The following KAZN variants were observed in gnomAD, a reference collection of about 807,000 sequenced individuals.
KAZN encodes kazrin.
Under a neutral mutation model 87.4 loss-of-function variants are expected in KAZN, and 40 were observed. The ratio of observed to expected loss-of-function variants is 0.46; its 90% CI spans 0.36 to 0.60. The LOEUF (loss-of-function observed/expected upper bound fraction) is 0.60, where lower values mean the gene tolerates loss of function less well. Among genes scored for constraint, KAZN ranks in the 20% least tolerant of loss-of-function variants. KAZN has a pLI of 0.00. For missense variants in KAZN, 898 were observed against 1,073.9 expected (o/e 0.84, Z 2.29); for synonymous variants, 466 against 458.3 (o/e 1.02, Z -0.22).
intron 2 of KAZN, among the ~76,000 whole-genome samples, chr1:14,272,058 A>G (rs772290484): frequency 2.6e-5 from 4 of 152,264 alleles, no homozygotes; most frequent in Non-Finnish European, 5.9e-5. Context: ...CGAAGCACCT[A>G]AAGTGTTTAT....
Position 14,947,125 on chromosome 1 carries a change from C to T in KAZN, c.227-13559C>T, listed in dbSNP as rs144282733. On this transcript the variant is annotated intron_variant, in intron 1 of 14. Transcript: ENST00000376030. The stretch of plus-strand genomic sequence containing the variant: ...GAAAGCAGGGCTGGGCTCTCCCGGC[C>T]GTTGTAAGGCCGTGCTCAAGTTGCT... Among the ~76,000 whole-genome samples the T allele has an allele frequency of 1.3e-4, 20 of 152,276 alleles. No individual in the cohort carries two copies. The East Asian group carries it at 1.5e-3, about 12-fold the overall frequency.
chr1:14,419,760 C>G (rs940965913), intron 2 of KAZN, among the ~76,000 whole-genome samples: 1 of 151,846 alleles, frequency 6.6e-6, no homozygotes, highest in Non-Finnish European at 1.5e-5. Flanking sequence ...GGCGGTGCGT[C>G]TGGTGTTGTT....
intron 2 of KAZN, among the ~76,000 whole-genome samples, chr1:14,258,215 T>C (rs1430573571): frequency 9.4e-6 from 1 of 105,928 alleles, no homozygotes; most frequent in Non-Finnish European, 1.7e-5. Flanking sequence ...TCTTTCTTTC[T>C]TTCTTTTTTT....
chr1:14,873,169 T>C (rs574409710), intron 1 of KAZN, among the ~76,000 whole-genome samples: 1 of 151,698 alleles, frequency 6.6e-6, no homozygotes, highest in African/African-American at 2.4e-5. Flanking sequence ...GACAGATAGA[T>C]GAATGGATGG....
chr1:15,052,637 C>T (rs1049083620), intron 4 of KAZN, among the ~76,000 whole-genome samples: 17 of 151,924 alleles, frequency 1.1e-4, no homozygotes, highest in Middle Eastern at 3.2e-3. Context: ...TGTGTGGATA[C>T]GTGGGTGTGA....
At chr1:14,648,956 A>C (rs992092923) in intron 1 of KAZN, among the ~76,000 whole-genome samples, 1 of 152,184 alleles carries the variant, frequency 6.6e-6, no homozygotes, top group African/African-American at 2.4e-5. Context: ...AGTTCTTTTA[A>C]GCTGGCAGCA....
intron 1 of KAZN, chr1:14,946,077 A>G: frequency 4.2e-6 from 1 of 238,084 alleles, no homozygotes; most frequent in Non-Finnish European, 6.8e-6. Context: ...GTGACGTGCC[A>G]GGGTCAAACA....
At chr1:14,041,377 T>G (rs1200091792) in intron 1 of KAZN, among the ~76,000 whole-genome samples, 3 of 152,216 alleles carry the variant, frequency 2.0e-5, no homozygotes, top group Non-Finnish European at 4.4e-5. Flanking sequence ...TTTATTTCCT[T>G]TCTTCTCAAC....
chr1:14,830,294 A>T (rs1260836811), intron 1 of KAZN, among the ~76,000 whole-genome samples: 1 of 152,162 alleles, frequency 6.6e-6, no homozygotes, highest in Non-Finnish European at 1.5e-5. Context: ...CTTGGGCCAG[A>T]GGGAAAAATG....
At position 14,174,842 on chromosome 1, in the gene KAZN, C is replaced by T. The variant is rs77891075; in HGVS notation, c.92-5593C>T. ...TGCTTTATACAATCTGTCTCTAATT[C>T]TCAGAGCAACTCTGTACAGGTGGGA... On this transcript the variant is annotated intron_variant, in intron 1 of 16. Coordinates refer to the KAZN transcript ENST00000636203. Among the ~76,000 whole-genome samples the T allele has an allele frequency of 6.5e-3, 991 of 152,248 alleles. 11 individuals carry two copies. The highest frequency in any genetic ancestry group is 0.023 in the African/African-American group (955 of 41,560).
intron 2 of KAZN, among the ~76,000 whole-genome samples, chr1:14,477,758 C>A (rs1668833082): frequency 6.6e-6 from 1 of 152,148 alleles, no homozygotes; most frequent in African/African-American, 2.4e-5. Flanking sequence ...CCTGAGCAAA[C>A]CCCAAAGTGG....
intron 1 of KAZN, among the ~76,000 whole-genome samples, chr1:14,789,760 C>CAAAAAAAAAAAAAAAAAAAAAA (rs3032757): frequency 2.2e-5 from 1 of 46,234 alleles, no homozygotes; most frequent in African/African-American, 8.3e-5. Context: ...TCCTCATTAC[C>CAAAAAAAAAAAAAAAAAAAAAA]AAAAAAAAAA....
At chr1:14,084,452 TC>T (rs1293318598) in intron 1 of KAZN, among the ~76,000 whole-genome samples, 1 of 152,038 alleles carries the variant, frequency 6.6e-6, no homozygotes, top group Non-Finnish European at 1.5e-5. Context: ...TATTGCCAAA[TC>T]CCCTGCCCAT....
At chr1:14,818,639 T>G (rs1477875663) in intron 1 of KAZN, among the ~76,000 whole-genome samples, 1 of 152,108 alleles carries the variant, frequency 6.6e-6, no homozygotes, top group East Asian at 1.9e-4. Context: ...TCCTGGTGTC[T>G]CCCATTGGCC....
At chr1:14,766,159 A>G (rs77438057) in intron 1 of KAZN, among the ~76,000 whole-genome samples, 2,944 of 152,296 alleles carry the variant, frequency 0.019, 79 homozygotes, top group African/African-American at 0.054. Flanking sequence ...AACTGGAGCC[A>G]GTCCTGTGGG....
chr1:14,108,092 G>A (rs923126485), intron 1 of KAZN, among the ~76,000 whole-genome samples: 1 of 152,074 alleles, frequency 6.6e-6, no homozygotes, highest in South Asian at 2.1e-4. Flanking sequence ...ACTGGACCAC[G>A]AGATGCTCTA....
chr1:14,394,085 G>A (rs1016895960), intron 2 of KAZN, among the ~76,000 whole-genome samples: 2 of 152,156 alleles, frequency 1.3e-5, no homozygotes, highest in African/African-American at 2.4e-5. Flanking sequence ...AAATGGGCAG[G>A]ACGGAAGAAA....
intron 1 of KAZN, among the ~76,000 whole-genome samples, chr1:14,874,129 T>C (rs1652483982): frequency 6.6e-6 from 1 of 152,136 alleles, no homozygotes. Context: ...TCATATCCAT[T>C]TGGGAATCAT....
chr1:14,267,083 AT>A (rs35943771), intron 2 of KAZN, among the ~76,000 whole-genome samples: 6 of 142,002 alleles, frequency 4.2e-5, no homozygotes, highest in Admixed American at 7.4e-5. Flanking sequence ...ATGTTCCCAA[AT>A]TTTTTTTTCT....
Sources: gnomAD v4.1 joint callset for allele counts (sites outside exome capture counted in the v4.1 genomes callset) on GRCh38, gnomAD v4.1.1 for gene constraint, MANE v1.5 for transcripts, NCBI Gene and HGNC (gene_info 2026-07-23, HGNC 2026-07-21) for gene names.